SAMD3: variants seen among roughly 807,000 people sequenced by gnomAD.
SAMD3 encodes sterile alpha motif domain containing 3.
A neutral mutation model predicts 58.5 loss-of-function variants in SAMD3; 63 were observed. That is an observed-to-expected ratio of 1.08 (90% confidence interval 0.88 to 1.33). The LOEUF is 1.33. Ranked by LOEUF, SAMD3 falls within the 40% of genes most tolerant of loss-of-function variation. The pLI is 0.00. For synonymous variants in SAMD3, 220 were observed against 210.3 expected (o/e 1.05, Z -0.40); for missense variants, 604 against 608.4 (o/e 0.99, Z 0.08).
chr6:130,188,258 T>G (rs1211842935), intron 5 of SAMD3, among the ~76,000 whole-genome samples: 2 of 152,222 alleles, frequency 1.3e-5, no homozygotes, highest in African/African-American at 2.4e-5. Flanking sequence ...AAGAACGGGC[T>G]CAGGTGAGCA....
chr6:130,214,622 T>A, intron 3 of SAMD3, 96 bp from the exon 4 acceptor site: 1 of 759,456 alleles, frequency 1.3e-6, no homozygotes, highest in East Asian at 2.9e-5. Flanking sequence ...AAAAGGATCA[T>A]CTAAACTTGT....
At chr6:130,143,028 T>C (rs1010567569), downstream of SAMD3, 4 of 152,216 alleles carry the variant, frequency 2.6e-5, no homozygotes, top group African/African-American at 9.7e-5. Context: ...TGTTTTGATG[T>C]AAGTAGTTAA....
In SAMD3 at chr6:130,166,573, C is replaced by T. The variant is rs186000818; in HGVS notation, c.822+9268G>A. Among the ~76,000 whole-genome samples the T allele has an allele frequency of 3.0e-3, 463 of 152,170 alleles. 5 individuals are homozygous for T. The highest frequency in any genetic ancestry group is 8.3e-3 in the African/African-American group (346 of 41,524). ...TCTATCAAAGATGAACTGCAGATGA[C>T]TTAAAGATTTAAACATGAAAGTTAA... On this transcript the variant is annotated intron_variant, in intron 8 of 11. Transcript: ENST00000439090.
chr6:130,351,722 CA>C (rs2115036624), intron 1 of SAMD3, among the ~76,000 whole-genome samples: 1 of 152,202 alleles, frequency 6.6e-6, no homozygotes, highest in East Asian at 1.9e-4. Flanking sequence ...GGTATATACC[CA>C]AAGGATTATA....
intron 2 of SAMD3, among the ~76,000 whole-genome samples, chr6:130,257,369 A>G (rs1397102665): frequency 6.6e-6 from 1 of 152,206 alleles, no homozygotes; most frequent in Non-Finnish European, 1.5e-5. Flanking sequence ...CCTGGTGTAC[A>G]AGTCTTTTAG....
intron 2 of SAMD3, among the ~76,000 whole-genome samples, chr6:130,291,956 A>C (rs1430996834): frequency 6.6e-6 from 1 of 152,260 alleles, no homozygotes; most frequent in Non-Finnish European, 1.5e-5. Flanking sequence ...GAAAAAGAAA[A>C]TAAAAATTAA....
At chr6:130,318,441 T>A (rs1776466769) in intron 1 of SAMD3, among the ~76,000 whole-genome samples, 1 of 152,222 alleles carries the variant, frequency 6.6e-6, no homozygotes, top group East Asian at 1.9e-4. Context: ...TTTAATTTTT[T>A]ATTTTGAGAC....
intron 1 of SAMD3, among the ~76,000 whole-genome samples, chr6:130,221,320 A>G (rs1218448718): frequency 6.6e-6 from 1 of 152,170 alleles, no homozygotes; most frequent in Admixed American, 6.5e-5. Context: ...AATAAAAATA[A>G]AATATTGATA....
chr6:130,355,933 T>C (rs1167489615), intron 1 of SAMD3, among the ~76,000 whole-genome samples: 1 of 152,248 alleles, frequency 6.6e-6, no homozygotes, highest in East Asian at 1.9e-4. Context: ...CACACTGTCT[T>C]TTCCATTCTG....
At chr6:130,271,007 G>GT (rs1046670383) in intron 2 of SAMD3, among the ~76,000 whole-genome samples, 43 of 146,604 alleles carry the variant, frequency 2.9e-4, no homozygotes, top group East Asian at 9.9e-4. Context: ...GTTTTTTTTT[G>GT]TTTTTTTTTC....
At chr6:130,349,605 G>T (rs1777586404) in intron 1 of SAMD3, among the ~76,000 whole-genome samples, 1 of 152,116 alleles carries the variant, frequency 6.6e-6, no homozygotes, top group African/African-American at 2.4e-5. Context: ...AAAAGTCCAG[G>T]ACCAGATGGA....
chr6:130,199,720 A>T (rs929554416), intron 5 of SAMD3, among the ~76,000 whole-genome samples: 1 of 152,204 alleles, frequency 6.6e-6, no homozygotes, highest in Non-Finnish European at 1.5e-5. Context: ...CTCTGAAGAT[A>T]TTGAACAATG....
chr6:130,216,050 G>A (rs2114852939), intron 2 of SAMD3: 2 of 392,918 alleles, frequency 5.1e-6, no homozygotes, highest in South Asian at 7.7e-5. Context: ...ATTCAAAATT[G>A]GAAAGTAATT....
intron 2 of SAMD3, among the ~76,000 whole-genome samples, chr6:130,294,131 C>T (rs1465075096): frequency 6.6e-6 from 1 of 152,134 alleles, no homozygotes; most frequent in Non-Finnish European, 1.5e-5. Flanking sequence ...AGCAAGAATA[C>T]ATTATGATTT....
chr6:130,254,464 G>A (rs1562482920), intron 2 of SAMD3, among the ~76,000 whole-genome samples: 1 of 151,844 alleles, frequency 6.6e-6, no homozygotes, highest in East Asian at 1.9e-4. Flanking sequence ...CTAAAGTGCT[G>A]GTATTACAGG....
At chr6:130,295,910 A>G (rs1017947304) in intron 2 of SAMD3, among the ~76,000 whole-genome samples, 3 of 152,242 alleles carry the variant, frequency 2.0e-5, no homozygotes, top group Non-Finnish European at 4.4e-5. Flanking sequence ...ACATAGACAC[A>G]TCAGTAAAGA....
intron 4 of SAMD3, among the ~76,000 whole-genome samples, chr6:130,210,640 C>G (rs1795460444): frequency 6.6e-6 from 1 of 151,162 alleles, no homozygotes; most frequent in Non-Finnish European, 1.5e-5. Flanking sequence ...AAATAAAATT[C>G]TAAGGCCCCC....
At chr6:130,166,608 CATAAT>C (rs1463507355) in intron 8 of SAMD3, among the ~76,000 whole-genome samples, 2 of 152,170 alleles carry the variant, frequency 1.3e-5, no homozygotes, top group East Asian at 3.9e-4. Context: ...AAATTACAAA[CATAAT>C]AGAAGAAAGA....
intron 2 of SAMD3, among the ~76,000 whole-genome samples, chr6:130,287,386 C>T (rs1775195495): frequency 6.6e-6 from 1 of 152,248 alleles, no homozygotes; most frequent in East Asian, 1.9e-4. Context: ...ATTATTCATT[C>T]ATTTCTTTAT....
Sources: allele counts gnomAD v4.1 joint callset (sites outside exome capture counted in the v4.1 genomes callset), GRCh38; gene constraint gnomAD v4.1.1; transcripts MANE v1.5; gene names NCBI Gene and HGNC (gene_info 2026-07-23, HGNC 2026-07-21).